The following SPATS1 variants were observed in gnomAD, a reference collection of about 807,000 sequenced individuals.
SPATS1 encodes the protein spermatogenesis associated serine rich 1.
Under a neutral mutation model 33.6 loss-of-function variants are expected in SPATS1, and 23 were observed. The ratio of observed to expected loss-of-function variants is 0.68; its 90% CI spans 0.49 to 0.97. The LOEUF (loss-of-function observed/expected upper bound fraction) is 0.97. Among genes scored for constraint, SPATS1 ranks in the 50% least tolerant of loss-of-function variants. The probability of loss-of-function intolerance (pLI) is 0.00; values close to 1 mark genes in which losing one functional copy is unlikely to be tolerated. For synonymous variants in SPATS1, 131 were observed against 125.6 expected (o/e 1.04, Z -0.29); for missense variants, 327 against 361.0 (o/e 0.91, Z 0.76).
intron 3 of SPATS1, among the ~76,000 whole-genome samples, chr6:44,358,867 G>C (rs1014271842): frequency 6.6e-6 from 1 of 152,142 alleles, no homozygotes; most frequent in African/African-American, 2.4e-5. Context: ...CTTTCAAGGT[G>C]CATACATGTT....
chr6:44,342,931 C>A, intron 1 of SPATS1, 163 bp downstream of exon 1: 2 of 1,244,600 alleles, frequency 1.6e-6, no homozygotes, highest in Non-Finnish European at 2.2e-6. Flanking sequence ...TTCCAAACCA[C>A]GAAACGCCCA....
Position 44,378,497 on chromosome 6 carries a change from T to G in SPATS1, c.*1434T>G, listed in dbSNP as rs1009299204. ...TTAGAACACGATACATTTAGCCAGG[T>G]GTGGTGGCTCATGCCTGTAATCCCA... On this transcript the variant is annotated 3_prime_UTR_variant, in exon 9 of 9. Coordinates refer to ENST00000674044, the MANE Select transcript of SPATS1 (RefSeq NM_001372081.1). The G allele has an allele frequency of 6.6e-6, 1 of 152,128 alleles. No homozygotes were observed. Among genetic ancestry groups the G allele is most frequent in the Admixed American group, 6.6e-5 (1 of 15,256 alleles). 9.4% of individuals were successfully genotyped at this position (152,128 alleles called of 1,614,324 possible). A position where few individuals can be genotyped will look rare whatever the true frequency, so the allele number is the denominator to read the frequency against.
At position 44,378,193 on chromosome 6, in the gene SPATS1, A is replaced by G. The variant is rs1367480639; in HGVS notation, c.*1130A>G. 1.3e-5 allele frequency: 2 copies of G among 152,176 alleles called. No homozygotes were observed. Among genetic ancestry groups the G allele is most frequent in the African/African-American group, 4.8e-5 (2 of 41,434 alleles). The allele number at this position is 152,176 out of a possible 1,614,324, so 9.4% of individuals were successfully genotyped here. On this transcript the variant is annotated 3_prime_UTR_variant, in exon 9 of 9. Coordinates refer to ENST00000674044, the MANE Select transcript of SPATS1 (RefSeq NM_001372081.1). Reference sequence around the variant, plus strand: ...TTTAGGGCCTCCTGTCAATCAGACAAGAAGCAAACATTTGGAGGAAAAGGT... The same window carrying G: ...TTTAGGGCCTCCTGTCAATCAGACAGGAAGCAAACATTTGGAGGAAAAGGT...
intron 2 of SPATS1, among the ~76,000 whole-genome samples, chr6:44,347,142 C>A (rs1561953835): frequency 6.6e-6 from 1 of 152,114 alleles, no homozygotes; most frequent in Non-Finnish European, 1.5e-5. Flanking sequence ...CCAAACACTG[C>A]ATGTTCTTAC....
intron 2 of SPATS1, among the ~76,000 whole-genome samples, chr6:44,347,573 A>G (rs1292098526): frequency 6.6e-6 from 1 of 152,220 alleles, no homozygotes; most frequent in East Asian, 1.9e-4. Context: ...CTAAGATTAT[A>G]TAAACTTTCA....
intron 8 of SPATS1, 89 bp from the exon 9 acceptor site, chr6:44,376,946 T>TA: frequency 1.3e-6 from 2 of 1,493,110 alleles, no homozygotes; most frequent in Non-Finnish European, 1.9e-6. Context: ...GCAGATGTCA[T>TA]AGCCAAGCAT....
At chr6:44,370,714 G>C (rs571709594) in intron 7 of SPATS1, among the ~76,000 whole-genome samples, 1 of 152,038 alleles carries the variant, frequency 6.6e-6, no homozygotes, top group Non-Finnish European at 1.5e-5. Context: ...GGAGCTCAGT[G>C]GGAATAAAAA....
chr6:44,368,241 C>A, intron 5 of SPATS1, 138 bp from the exon 6 acceptor site: 1 of 891,488 alleles, frequency 1.1e-6, no homozygotes, highest in Non-Finnish European at 1.6e-6. Context: ...TAATCACAAA[C>A]AGAACTTTGA....
chr6:44,356,529 G>A (rs2153366841), intron 3 of SPATS1, among the ~76,000 whole-genome samples: 1 of 152,300 alleles, frequency 6.6e-6, no homozygotes, highest in East Asian at 1.9e-4. Flanking sequence ...TCGAGGTGTT[G>A]GCCACAGCTG....
chr6:44,378,082 T>C lies in SPATS1; in HGVS notation c.*1019T>C, dbSNP rs1790052028. 1 of 152,216 alleles carries C rather than the reference T, an allele frequency of 6.6e-6. No individual in the cohort carries two copies. The allele number at this position is 152,216 out of a possible 1,614,324, so 9.4% of individuals were successfully genotyped here. On this transcript the variant is annotated 3_prime_UTR_variant, in exon 9 of 9. Coordinates refer to ENST00000674044, the MANE Select transcript of SPATS1 (RefSeq NM_001372081.1). Reference sequence around the variant, plus strand: ...ATCTATACCAGGTAAGTAATACTATTGCCCTGTAGCTGCATTCCCCAGTTT... The same window carrying C: ...ATCTATACCAGGTAAGTAATACTATCGCCCTGTAGCTGCATTCCCCAGTTT...
chr6:44,361,329 T>C (rs2153367722), intron 4 of SPATS1: 1 of 985,438 alleles, frequency 1.0e-6, no homozygotes, highest in East Asian at 1.1e-4. Context: ...GCTTTTCTCA[T>C]TTGAAATTAT....
intron 3 of SPATS1, among the ~76,000 whole-genome samples, chr6:44,357,167 C>A (rs954639683): frequency 6.6e-6 from 1 of 152,330 alleles, no homozygotes; most frequent in Middle Eastern, 3.4e-3. Context: ...CCTGCCACAA[C>A]CACATCAAAT....
chr6:44,376,504 AAAAACTG>A, intron 8 of SPATS1, 31 bp downstream of exon 8: 1 of 1,516,670 alleles, frequency 6.6e-7, no homozygotes, highest in Non-Finnish European at 9.0e-7. Context: ...AGAATAGTGT[AAAAACTG>A]GAGGAGTCCG....
In SPATS1 at chr6:44,360,492, C is replaced by A; in HGVS notation, c.334C>A (p.His112Asn). 6.2e-7 allele frequency: 1 copy of A among 1,614,172 alleles called. No homozygotes were observed. ...GAAACTCTCCTTCTCACATTCTGAT[C>A]ACTCCTCTGAAATGTCGTTGCCTGA... ...DRKLSFSHSD[H>N]SSEMSLPEVQ... The change falls in exon 4 of 9, where the codon CAC becomes AAC. Residue 112 changes from histidine (H) to asparagine (N), a missense_variant. Transcript: ENST00000674044.
At position 44,364,756 on chromosome 6, in the gene SPATS1, T is replaced by C. The variant is rs1379940583; in HGVS notation, c.574+2764T>C. Among the ~76,000 whole-genome samples the C allele has an allele frequency of 2.0e-5, 3 of 151,922 alleles. No individual in the cohort carries two copies. In the East Asian group the frequency reaches 5.8e-4, roughly 29 times the overall value. ...CTTTCTTTTTTTCTTTCTGTCTTTC[T>C]TTCTTTCTTTTTCTTTTTCTTCTTT... On this transcript the variant is annotated intron_variant, in intron 5 of 8. Coordinates refer to ENST00000674044, the MANE Select transcript of SPATS1 (RefSeq NM_001372081.1).
chr6:44,371,169 T>G (rs1009825784), intron 7 of SPATS1, among the ~76,000 whole-genome samples: 8 of 152,030 alleles, frequency 5.3e-5, no homozygotes, highest in Admixed American at 5.2e-4. Flanking sequence ...CATAGTGGTA[T>G]GCAACTGTAG....
At chr6:44,344,904 C>T (rs761963377) in intron 2 of SPATS1, among the ~76,000 whole-genome samples, 47 of 152,098 alleles carry the variant, frequency 3.1e-4, no homozygotes, top group African/African-American at 8.5e-4. Context: ...ACATTTATTG[C>T]GCTTGAATAA....
rs73439562 is a variant in SPATS1, at chr6:44,360,649, T to G, written c.412+79T>G. 3.6e-3 allele frequency: 5,514 copies of G among 1,518,456 alleles called. 168 individuals carry two copies. The African/African-American group carries it at 0.066, about 18-fold the overall frequency. The allele number at this position is 1,518,456 out of a possible 1,614,324, so 94.1% of individuals were successfully genotyped here. The stretch of plus-strand genomic sequence containing the variant: ...TCTGCCATACTGTTGGCCACCCTCA[T>G]CGAAGGCCCACAACTGTCAAGCATT... On this transcript the variant is annotated intron_variant, in intron 4 of 8. Transcript: ENST00000674044.
chr6:44,370,318 T>C (rs1047153432), intron 7 of SPATS1, among the ~76,000 whole-genome samples: 1 of 152,166 alleles, frequency 6.6e-6, no homozygotes, highest in Non-Finnish European at 1.5e-5. Context: ...ATTCAACAGA[T>C]GTAATTGACA....
Sources: allele counts gnomAD v4.1 joint callset (sites outside exome capture counted in the v4.1 genomes callset), GRCh38; gene constraint gnomAD v4.1.1; transcripts MANE v1.5; gene names NCBI Gene and HGNC (gene_info 2026-07-23, HGNC 2026-07-21).